The following TRAPPC8 variants were observed in gnomAD, a reference collection of about 807,000 sequenced individuals.
TRAPPC8 encodes the protein trafficking protein particle complex subunit 8, also known as general sporulation gene 1 homolog.
A neutral mutation model predicts 174.3 loss-of-function variants in TRAPPC8; 54 were observed. That is an observed-to-expected ratio of 0.31 (90% CI 0.25 to 0.39). The LOEUF (loss-of-function observed/expected upper bound fraction) is 0.39, where lower values mean the gene tolerates loss of function less well. Among genes scored for constraint, TRAPPC8 ranks in the 10% least tolerant of loss-of-function variants. The probability of loss-of-function intolerance (pLI) is 1.00; values close to 1 mark genes in which losing one functional copy is unlikely to be tolerated. For synonymous variants in TRAPPC8, 630 were observed against 579.9 expected (o/e 1.09, Z -1.24); for missense variants, 1,531 against 1,699.1 (o/e 0.90, Z 1.74).
At chr18:31,850,928 A>G (rs563602935) in intron 24 of TRAPPC8, among the ~76,000 whole-genome samples, 9 of 152,338 alleles carry the variant, frequency 5.9e-5, no homozygotes, top group East Asian at 1.9e-4. Flanking sequence ...AAAAATAACT[A>G]AAGTCCTGAA....
At chr18:31,838,887 T>C (rs1221122749) in intron 27 of TRAPPC8, among the ~76,000 whole-genome samples, 1 of 152,144 alleles carries the variant, frequency 6.6e-6, no homozygotes, top group African/African-American at 2.4e-5. Flanking sequence ...CAGGTCACCA[T>C]CCTCTTTCTG....
intron 1 of TRAPPC8, among the ~76,000 whole-genome samples, chr18:31,935,947 C>A (rs902183040): frequency 6.6e-6 from 1 of 151,632 alleles, no homozygotes; most frequent in African/African-American, 2.4e-5. Flanking sequence ...CCATGTTGGC[C>A]ACGCCGGTCT....
rs989759398 is a variant in TRAPPC8, at chr18:31,897,809, G to C, written c.1573C>G (p.Leu525Val). ...SQSKYSEAAA[L>V]LIRLTSEDSD... ...ACCTCACTGGTCAACCGTATTAGGA[G>C]AGCTGCAGCCTCTGAATATTTGCTT... The change falls in exon 11 of 29, where the codon CTC (leucine) becomes GTC (valine). Residue 525 changes from leucine to valine, a missense_variant. Leu to Val is a conservative substitution (Grantham distance 32). Coordinates refer to ENST00000283351, the MANE Select transcript of TRAPPC8 (RefSeq NM_014939.5). The C allele has an allele frequency of 1.3e-5, 21 of 1,610,558 alleles. No homozygotes were observed. Among genetic ancestry groups the C allele is most frequent in the Non-Finnish European group, 1.8e-5 (21 of 1,177,946 alleles).
intron 7 of TRAPPC8, 99 bp downstream of exon 7, chr18:31,908,655 A>G: frequency 7.6e-7 from 1 of 1,310,896 alleles, no homozygotes; most frequent in South Asian, 1.7e-5. Context: ...GGCCTATCTT[A>G]AAACGAAAAT....
intron 1 of TRAPPC8, 107 bp downstream of exon 1, chr18:31,942,501 G>C: frequency 7.4e-7 from 1 of 1,351,004 alleles, no homozygotes; most frequent in African/African-American, 1.5e-5. Flanking sequence ...CCACGGTACC[G>C]GCTCCAGGAC....
At chr18:31,896,648 A>G (rs1203124434) in intron 11 of TRAPPC8, among the ~76,000 whole-genome samples, 3 of 152,112 alleles carry the variant, frequency 2.0e-5, no homozygotes, top group Non-Finnish European at 4.4e-5. Flanking sequence ...GTTGAGACAA[A>G]TGAGTCTCGC....
chr18:31,916,457 A>AT lies in TRAPPC8; in HGVS notation c.443-12dup. 1 of 1,599,454 alleles carries AT rather than the reference A, an allele frequency of 6.3e-7. No homozygotes were observed. Among genetic ancestry groups the AT allele is most frequent in the African/African-American group, 1.3e-5 (1 of 74,310 alleles). The stretch of plus-strand genomic sequence containing the variant: ...ACGCTACCAACATACCTTGTAAACC[A>AT]TATTATTAAGGTAATTATCGCTTAT... On this transcript the variant is annotated splice_polypyrimidine_tract_variant and intron_variant, in intron 3 of 28. Transcript: ENST00000283351.
chr18:31,836,636 T>C (rs1054333475), intron 27 of TRAPPC8, among the ~76,000 whole-genome samples: 3 of 152,160 alleles, frequency 2.0e-5, no homozygotes, highest in Admixed American at 1.3e-4. Context: ...CATTTTTATT[T>C]TCACTTATGG....
chr18:31,898,571 G>C (rs1410203079), intron 10 of TRAPPC8, among the ~76,000 whole-genome samples: 1 of 152,182 alleles, frequency 6.6e-6, no homozygotes, highest in Non-Finnish European at 1.5e-5. Context: ...TTCTGACTGT[G>C]TTTCATTTTG....
At chr18:31,934,931 C>T (rs1393262660) in intron 1 of TRAPPC8, among the ~76,000 whole-genome samples, 1 of 148,104 alleles carries the variant, frequency 6.8e-6, no homozygotes. Flanking sequence ...TGCTGGGCAA[C>T]AGAGAGAGGC....
intron 11 of TRAPPC8, among the ~76,000 whole-genome samples, chr18:31,894,403 C>A (rs2036099346): frequency 1.3e-5 from 2 of 151,986 alleles, no homozygotes; most frequent in Non-Finnish European, 2.9e-5. Flanking sequence ...CTGAAAGATA[C>A]AATTTTAATA....
At chr18:31,837,334 A>G (rs1383666729) in intron 27 of TRAPPC8, among the ~76,000 whole-genome samples, 1 of 152,194 alleles carries the variant, frequency 6.6e-6, no homozygotes, top group Non-Finnish European at 1.5e-5. Context: ...TAAAAAAAAA[A>G]AGGCAAGCAC....
chr18:31,884,827 T>A (rs937886858), intron 12 of TRAPPC8, among the ~76,000 whole-genome samples: 5 of 151,668 alleles, frequency 3.3e-5, no homozygotes, highest in African/African-American at 1.2e-4. Context: ...GGCAACACAG[T>A]GAGACTCCAT....
intron 28 of TRAPPC8, 24 bp from the exon 29 acceptor site, chr18:31,831,013 T>C (rs1367976884): frequency 1.3e-6 from 2 of 1,575,456 alleles, no homozygotes; most frequent in South Asian, 2.3e-5. Context: ...AAAATGTAAG[T>C]TGCAGGATTT....
In TRAPPC8 at chr18:31,942,597, A is replaced by C; in HGVS notation, c.157+11T>G. The C allele has an allele frequency of 6.3e-7, 1 of 1,575,228 alleles. No individual in the cohort carries two copies. On this transcript the variant is annotated intron_variant, in intron 1 of 28. Coordinates refer to ENST00000283351, the MANE Select transcript of TRAPPC8 (RefSeq NM_014939.5). Reference sequence around the variant, plus strand: ...GCGGGAGCCCACTGGAAAAGGGAGGATACCACATACCCTCGGAAGTGAGGC... The same window carrying C: ...GCGGGAGCCCACTGGAAAAGGGAGGCTACCACATACCCTCGGAAGTGAGGC...
At chr18:31,873,150 T>C (rs2034968591) in intron 14 of TRAPPC8, among the ~76,000 whole-genome samples, 1 of 151,194 alleles carries the variant, frequency 6.6e-6, no homozygotes, top group African/African-American at 2.4e-5. Flanking sequence ...CTTGAGTTGA[T>C]GGGACTACAA....
intron 2 of TRAPPC8, among the ~76,000 whole-genome samples, chr18:31,926,302 T>C (rs1007175480): frequency 3.3e-5 from 5 of 152,190 alleles, no homozygotes; most frequent in South Asian, 2.1e-4. Context: ...TTTTACCACA[T>C]AGGAATATCA....
chr18:31,910,486 T>C (rs2036858870), intron 5 of TRAPPC8, among the ~76,000 whole-genome samples: 1 of 152,156 alleles, frequency 6.6e-6, no homozygotes, highest in African/African-American at 2.4e-5. Flanking sequence ...AAAGAGGACA[T>C]GAGAATTATC....
rs368896934 is a variant in TRAPPC8, at chr18:31,868,712, G to T, written c.2389-1236C>A. Among the ~76,000 whole-genome samples the T allele has an allele frequency of 1.7e-3, 255 of 151,356 alleles. 1 individual carries two copies. The highest frequency in any genetic ancestry group is 4.9e-3 in the African/African-American group (204 of 41,260). ...TTATTGTTTGTTTACTTGTTTTGTGGTTTTTTTTGAGACAAGATCTTGCTC... is the reference window on the plus strand; with the variant it reads ...TTATTGTTTGTTTACTTGTTTTGTGTTTTTTTTTGAGACAAGATCTTGCTC... On this transcript the variant is annotated intron_variant, in intron 16 of 28. Transcript: ENST00000283351.
Sources: allele counts gnomAD v4.1 joint callset (sites outside exome capture counted in the v4.1 genomes callset), GRCh38; gene constraint gnomAD v4.1.1; transcripts MANE v1.5; gene names NCBI Gene and HGNC (gene_info 2026-07-23, HGNC 2026-07-21).